The following ALK variants were observed in gnomAD, a reference collection of about 807,000 sequenced individuals.
ALK encodes the protein ALK tyrosine kinase receptor.
A neutral mutation model predicts 163.1 loss-of-function variants in ALK; 74 were observed. The ratio of observed to expected loss-of-function variants is 0.45; its 90% CI spans 0.38 to 0.55. The LOEUF (loss-of-function observed/expected upper bound fraction) is 0.55, where lower values mean the gene tolerates loss of function less well. ALK is among the 20% of genes least tolerant of loss of function. ALK has a pLI of 0.00. For synonymous variants in ALK, 960 were observed against 843.2 expected (o/e 1.14, Z -2.40); for missense variants, 2,063 against 2,105.3 (o/e 0.98, Z 0.39).
At chr2:29,722,846 G>C (rs138261724) in intron 1 of ALK, among the ~76,000 whole-genome samples, 318 of 152,148 alleles carry the variant, frequency 2.1e-3, no homozygotes, top group African/African-American at 7.2e-3. Flanking sequence ...CTAAACCCCA[G>C]GTATTCCCCA....
intron 1 of ALK, among the ~76,000 whole-genome samples, chr2:29,757,723 G>A (rs1374540765): frequency 6.6e-6 from 1 of 152,020 alleles, no homozygotes; most frequent in African/African-American, 2.4e-5. Flanking sequence ...TCTGTAAAGG[G>A]CAAGACAGTA....
chr2:29,570,620 C>G (rs1430492532), intron 3 of ALK, among the ~76,000 whole-genome samples: 1 of 152,216 alleles, frequency 6.6e-6, no homozygotes, highest in Non-Finnish European at 1.5e-5. Flanking sequence ...ACATTTCTCT[C>G]TCTTAGAACT....
At chr2:29,813,220 C>G (rs953972517) in intron 1 of ALK, among the ~76,000 whole-genome samples, 3 of 152,182 alleles carry the variant, frequency 2.0e-5, no homozygotes, top group African/African-American at 7.2e-5. Context: ...ATTTCCTGAG[C>G]CCATCTACTA....
At chr2:29,272,516 G>A (rs1466211520) in intron 11 of ALK, among the ~76,000 whole-genome samples, 2 of 152,186 alleles carry the variant, frequency 1.3e-5, no homozygotes, top group African/African-American at 4.8e-5. Context: ...GAGGGCTGCT[G>A]TGGGGAGTGA....
chr2:29,490,416 T>C (rs1014727687), intron 4 of ALK, among the ~76,000 whole-genome samples: 2 of 152,202 alleles, frequency 1.3e-5, no homozygotes, highest in African/African-American at 4.8e-5. Context: ...GTCATATACT[T>C]AGGCCACTGG....
intron 1 of ALK, among the ~76,000 whole-genome samples, chr2:29,814,228 G>A (rs905985268): frequency 6.6e-6 from 1 of 152,164 alleles, no homozygotes. Context: ...TGACTTGTCC[G>A]TGTTATGCTG....
chr2:29,698,143 G>C (rs1263015611), intron 2 of ALK, among the ~76,000 whole-genome samples: 2 of 152,188 alleles, frequency 1.3e-5, no homozygotes, highest in Non-Finnish European at 2.9e-5. Flanking sequence ...GAAATGGGTA[G>C]CTCTCACTTT....
chr2:29,675,895 A>T (rs1345320855), intron 3 of ALK, among the ~76,000 whole-genome samples: 4 of 151,852 alleles, frequency 2.6e-5, no homozygotes, highest in Non-Finnish European at 5.9e-5. Context: ...CTTATTTTTT[A>T]AAAATTTTGT....
chr2:29,472,469 C>T (rs1226648988), intron 4 of ALK, among the ~76,000 whole-genome samples: 1 of 152,222 alleles, frequency 6.6e-6, no homozygotes, highest in Non-Finnish European at 1.5e-5. Context: ...GAATATCCTA[C>T]AGCTAACTTC....
chr2:29,700,298 C>A (rs1030960760), intron 2 of ALK, among the ~76,000 whole-genome samples: 4 of 152,166 alleles, frequency 2.6e-5, no homozygotes, highest in Non-Finnish European at 5.9e-5. Context: ...GTAATCCCAG[C>A]ACTTTGGGAG....
intron 3 of ALK, among the ~76,000 whole-genome samples, chr2:29,592,494 G>A (rs1468470468): frequency 1.3e-5 from 2 of 152,202 alleles, no homozygotes; most frequent in African/African-American, 4.8e-5. Context: ...GAGTGAAAGA[G>A]TTGTTTATTC....
At chr2:29,844,348 C>T (rs538127036) in intron 1 of ALK, among the ~76,000 whole-genome samples, 22 of 152,128 alleles carry the variant, frequency 1.4e-4, no homozygotes, top group African/African-American at 5.1e-4. Context: ...GGAGCAGGTG[C>T]AGATCATGTA....
At chr2:29,234,097 G>T (rs1228623016) in intron 13 of ALK, among the ~76,000 whole-genome samples, 1 of 152,106 alleles carries the variant, frequency 6.6e-6, no homozygotes, top group Non-Finnish European at 1.5e-5. Context: ...GGTGAGTGGG[G>T]TGCGTGGGGG....
At chr2:29,646,222 C>T (rs775257412) in intron 3 of ALK, among the ~76,000 whole-genome samples, 24 of 152,138 alleles carry the variant, frequency 1.6e-4, no homozygotes, top group Non-Finnish European at 1.5e-4. Context: ...CCCCCCAGGC[C>T]AAAACCATTG....
intron 3 of ALK, among the ~76,000 whole-genome samples, chr2:29,593,882 A>AT (rs1675130145): frequency 6.6e-6 from 1 of 152,346 alleles, no homozygotes; most frequent in South Asian, 2.1e-4. Flanking sequence ...TGATTGTGAC[A>AT]TTTTCAGGAA....
intron 3 of ALK, among the ~76,000 whole-genome samples, chr2:29,611,371 T>TTTAC (rs1248040088): frequency 2.0e-5 from 3 of 152,162 alleles, no homozygotes; most frequent in Non-Finnish European, 4.4e-5. Flanking sequence ...TCAGCAAACA[T>TTTAC]TTACTATCTA....
intron 1 of ALK, among the ~76,000 whole-genome samples, chr2:29,799,922 T>A (rs747701501): frequency 6.6e-6 from 1 of 152,196 alleles, no homozygotes; most frequent in African/African-American, 2.4e-5. Context: ...TGCATTCATC[T>A]ATTCATTCAG....
intron 9 of ALK, among the ~76,000 whole-genome samples, chr2:29,279,366 C>T (rs934124396): frequency 6.6e-6 from 1 of 152,184 alleles, no homozygotes; most frequent in East Asian, 1.9e-4. Context: ...TGCCTCTGTC[C>T]ATCCATGGGC....
chr2:29,489,550 T>C lies in ALK; in HGVS notation c.1154+42365A>G, dbSNP rs538682692. ...CCTGGGCTCAAGTGATTCTCCCACA[T>C]TGGCCTCCCAAAGTATTGGGATTAC... On this transcript the variant is annotated intron_variant, in intron 4 of 28. Coordinates refer to ENST00000389048, the MANE Select transcript of ALK (RefSeq NM_004304.5). 1.7e-4 allele frequency among the ~76,000 whole-genome samples: 26 copies of C among 152,332 alleles called. No individual in the cohort carries two copies. In the South Asian group the frequency reaches 2.5e-3, roughly 15 times the overall value.
Sources: allele counts gnomAD v4.1 joint callset (sites outside exome capture counted in the v4.1 genomes callset), GRCh38; gene constraint gnomAD v4.1.1; transcripts MANE v1.5; gene names NCBI Gene and HGNC (gene_info 2026-07-23, HGNC 2026-07-21).